MATN2: variants seen among roughly 807,000 people sequenced by gnomAD.
The protein encoded by MATN2 is matrilin-2.
Under a neutral mutation model 103.2 loss-of-function variants are expected in MATN2, and 69 were observed. The observed-to-expected ratio is 0.67, with a 90% CI of 0.55 to 0.82. The LOEUF (loss-of-function observed/expected upper bound fraction) is 0.82. Among genes scored for constraint, MATN2 ranks in the 40% least tolerant of loss-of-function variants. The pLI is 0.00. For synonymous variants in MATN2, 429 were observed against 450.2 expected (o/e 0.95, Z 0.60); for missense variants, 1,023 against 1,211.5 (o/e 0.84, Z 2.31).
rs774745371 is a variant in MATN2, at chr8:98,035,696, G to T, written c.2855G>T (p.Arg952Leu). The change falls in exon 19 of 19, where the codon CGC becomes CTC. Residue 952 changes from arginine to leucine, a missense_variant. Arg to Leu is a moderately radical substitution (Grantham distance 102). Coordinates refer to ENST00000254898, the MANE Select transcript of MATN2 (RefSeq NM_002380.5). ...CAGAGAATGGAAGCCCTGGAAAATCGCCTGAGATACAGATGAAGATTAGAA... is the reference window on the plus strand; with the variant it reads ...CAGAGAATGGAAGCCCTGGAAAATCTCCTGAGATACAGATGAAGATTAGAA... Reference protein sequence around the residue: ...MTQRMEALENRLRYR With the variant: ...MTQRMEALENLLRYR 1 of 1,598,100 alleles carries T rather than the reference G, an allele frequency of 6.3e-7. No homozygotes were observed. Among genetic ancestry groups the T allele is most frequent in the African/African-American group, 1.3e-5 (1 of 74,708 alleles).
At chr8:97,970,370 C>T (rs529529058) in intron 5 of MATN2, among the ~76,000 whole-genome samples, 2 of 151,970 alleles carry the variant, frequency 1.3e-5, no homozygotes, top group African/African-American at 2.4e-5. Flanking sequence ...CAATCAGGTC[C>T]GATGTCTCAG....
chr8:98,018,624 T>C (rs1813461146), intron 12 of MATN2, among the ~76,000 whole-genome samples: 1 of 152,108 alleles, frequency 6.6e-6, no homozygotes, highest in East Asian at 1.9e-4. Flanking sequence ...TGGAGAGGCC[T>C]CAAAATCATG....
At chr8:97,991,124 T>C (rs1261433586) in intron 6 of MATN2, among the ~76,000 whole-genome samples, 1 of 152,216 alleles carries the variant, frequency 6.6e-6, no homozygotes, top group Admixed American at 6.5e-5. Flanking sequence ...CACTATCCTA[T>C]GGGACACTCT....
At chr8:97,926,894 T>G (rs1810005893) in intron 2 of MATN2, among the ~76,000 whole-genome samples, 1 of 152,244 alleles carries the variant, frequency 6.6e-6, no homozygotes, top group Non-Finnish European at 1.5e-5. Context: ...TCCAACTGCA[T>G]GCCTACAAAG....
intron 7 of MATN2, among the ~76,000 whole-genome samples, chr8:97,999,627 T>C (rs906035440): frequency 2.0e-5 from 3 of 152,110 alleles, no homozygotes; most frequent in Admixed American, 2.0e-4. Flanking sequence ...GAGTTTCAGG[T>C]AGATGAATAG....
chr8:97,936,841 A>G (rs917633829), intron 3 of MATN2, among the ~76,000 whole-genome samples: 2 of 152,204 alleles, frequency 1.3e-5, no homozygotes, highest in Admixed American at 1.3e-4. Context: ...TCTGAAAGTC[A>G]CTCAGCACTC....
chr8:98,000,920 C>A (rs963716998), intron 7 of MATN2, among the ~76,000 whole-genome samples: 15 of 152,150 alleles, frequency 9.9e-5, no homozygotes, highest in African/African-American at 3.4e-4. Context: ...GAACTGACTT[C>A]ATCTACGAGG....
intron 1 of MATN2, among the ~76,000 whole-genome samples, chr8:97,874,935 C>T (rs1818018325): frequency 6.6e-6 from 1 of 151,944 alleles, no homozygotes; most frequent in African/African-American, 2.4e-5. Context: ...TCAGGCTGGT[C>T]TCGAACTTTT....
intron 5 of MATN2, among the ~76,000 whole-genome samples, chr8:97,969,296 G>T (rs1289005707): frequency 6.6e-6 from 1 of 152,152 alleles, no homozygotes; most frequent in East Asian, 1.9e-4. Context: ...GATTTGGAGG[G>T]CACAAACATC....
chr8:97,981,631 GACCA>G (rs1049095922), intron 6 of MATN2, among the ~76,000 whole-genome samples: 30 of 152,314 alleles, frequency 2.0e-4, no homozygotes, highest in Admixed American at 1.5e-3. Context: ...AGACCAGTTA[GACCA>G]GAACAGGTGA....
At chr8:97,934,947 G>T (rs1168620424) in intron 3 of MATN2, among the ~76,000 whole-genome samples, 5 of 152,212 alleles carry the variant, frequency 3.3e-5, no homozygotes, top group African/African-American at 1.2e-4. Flanking sequence ...TTTTGGCATA[G>T]TGATTTGGGA....
At chr8:97,924,721 GTGTT>G (rs1179800217) in intron 2 of MATN2, among the ~76,000 whole-genome samples, 3 of 87,310 alleles carry the variant, frequency 3.4e-5, no homozygotes, top group African/African-American at 7.5e-5. Context: ...ATATTATTAA[GTGTT>G]TTTTTTTTTT....
chr8:97,877,512 A>C (rs1818118361), intron 1 of MATN2, among the ~76,000 whole-genome samples: 1 of 151,080 alleles, frequency 6.6e-6, no homozygotes, highest in Non-Finnish European at 1.5e-5. Context: ...GTAGAGATGA[A>C]GTCTCACTAT....
chr8:97,979,560 AAC>A (rs1811952782), intron 6 of MATN2, among the ~76,000 whole-genome samples: 5 of 117,418 alleles, frequency 4.3e-5, no homozygotes, highest in Non-Finnish European at 7.3e-5. Context: ...AAATTCGATA[AAC>A]TAAAGATGAT....
At position 97,902,701 on chromosome 8, in the gene MATN2, A is replaced by G. The variant is rs532296212; in HGVS notation, c.142+14459A>G. Among the ~76,000 whole-genome samples, 66 of 152,052 alleles carry G rather than the reference A, an allele frequency of 4.3e-4. 2 individuals are homozygous for G. In the South Asian group the frequency reaches 0.013, roughly 31 times the overall value. Reference sequence around the variant, plus strand: ...CCTGGCTTTTGTAGAAGATCTTCACAGTTTTTCAAAGCACCCATCCCTTGC... The same window carrying G: ...CCTGGCTTTTGTAGAAGATCTTCACGGTTTTTCAAAGCACCCATCCCTTGC... On this transcript the variant is annotated intron_variant, in intron 2 of 18. Coordinates refer to ENST00000254898, the MANE Select transcript of MATN2 (RefSeq NM_002380.5).
chr8:97,944,699 G>A (rs1225431106), intron 4 of MATN2, among the ~76,000 whole-genome samples: 1 of 152,162 alleles, frequency 6.6e-6, no homozygotes, highest in Non-Finnish European at 1.5e-5. Context: ...TTTTGGTCTA[G>A]GGGACAGTTA....
intron 5 of MATN2, among the ~76,000 whole-genome samples, chr8:97,976,122 CTG>C (rs1811827487): frequency 6.7e-6 from 1 of 149,830 alleles, no homozygotes; most frequent in Admixed American, 6.9e-5. Context: ...AATATTTAGA[CTG>C]AAACTTTTTT....
At chr8:97,885,304 A>ACACAC (rs1167715806) in intron 1 of MATN2, among the ~76,000 whole-genome samples, 11 of 152,344 alleles carry the variant, frequency 7.2e-5, no homozygotes, top group South Asian at 6.2e-4. Flanking sequence ...AAATGATGTA[A>ACACAC]CACACTGAAT....
intron 4 of MATN2, among the ~76,000 whole-genome samples, chr8:97,944,729 G>C (rs985368489): frequency 5.9e-5 from 9 of 152,204 alleles, no homozygotes; most frequent in Non-Finnish European, 2.9e-5. Flanking sequence ...CCAAGTGAAG[G>C]CTGTGCCATC....
Sources: gnomAD v4.1 joint callset for allele counts (sites outside exome capture counted in the v4.1 genomes callset) on GRCh38, gnomAD v4.1.1 for gene constraint, MANE v1.5 for transcripts, NCBI Gene and HGNC (gene_info 2026-07-23, HGNC 2026-07-21) for gene names.